CAMTA1: variants seen among roughly 807,000 people sequenced by gnomAD.
The protein encoded by CAMTA1 is calmodulin-binding transcription activator 1.
Under a neutral mutation model 170.9 loss-of-function variants are expected in CAMTA1, and 27 were observed. The observed-to-expected ratio is 0.16, with a 90% CI of 0.12 to 0.22. The LOEUF (loss-of-function observed/expected upper bound fraction) is 0.22, where lower values mean the gene tolerates loss of function less well. Among genes scored for constraint, CAMTA1 ranks in the 10% least tolerant of loss-of-function variants. The pLI is 1.00. For synonymous variants in CAMTA1, 833 were observed against 891.5 expected, an observed-to-expected ratio of 0.93 and a Z score of 1.17; for missense variants, 1,619 against 2,217.2, an observed-to-expected ratio of 0.73 and a Z score of 5.42.
chr1:7,027,400 G>A (rs1702166484), intron 3 of CAMTA1, among the ~76,000 whole-genome samples: 1 of 152,164 alleles, frequency 6.6e-6, no homozygotes, highest in South Asian at 2.1e-4. Context: ...CGAGACCTGG[G>A]GGAAGGGACA....
At chr1:7,606,420 T>C (rs975635348) in intron 6 of CAMTA1, among the ~76,000 whole-genome samples, 12 of 152,222 alleles carry the variant, frequency 7.9e-5, no homozygotes, top group Non-Finnish European at 1.6e-4. Context: ...TTTTATCTTT[T>C]CTTGAGGCTC....
Position 7,190,480 on chromosome 1 carries a change from A to G in CAMTA1, c.303-59011A>G, listed in dbSNP as rs148846656. On this transcript the variant is annotated intron_variant, in intron 4 of 22. Transcript: ENST00000303635. ...ATCATGATGTAACATAAATGTACAT[A>G]TAACTTTTTTAAACACACAGAAAGC... 2.8e-3 allele frequency among the ~76,000 whole-genome samples: 427 copies of G among 152,348 alleles called. 1 individual carries two copies. The highest frequency in any genetic ancestry group is 9.8e-3 in the African/African-American group (409 of 41,576).
chr1:7,617,127 C>T (rs930729394), intron 6 of CAMTA1, among the ~76,000 whole-genome samples: 1 of 152,174 alleles, frequency 6.6e-6, no homozygotes, highest in Non-Finnish European at 1.5e-5. Flanking sequence ...CAGGTTCGGC[C>T]ACGGGATGCC....
At chr1:7,089,423 G>A (rs146312189) in intron 3 of CAMTA1, among the ~76,000 whole-genome samples, 15 of 152,260 alleles carry the variant, frequency 9.9e-5, no homozygotes, top group African/African-American at 2.2e-4. Flanking sequence ...AGGAACTGCT[G>A]CATTTTGCTG....
chr1:6,965,600 A>T lies in CAMTA1; in HGVS notation c.235-125704A>T, dbSNP rs1012096958. On this transcript the variant is annotated intron_variant, in intron 3 of 22. Coordinates refer to ENST00000303635, the MANE Select transcript of CAMTA1 (RefSeq NM_015215.4). This position sits in a 1 kb window ranked among gnomAD's most constrained non-coding sequence, Gnocchi z 4.1. The stretch of plus-strand genomic sequence containing the variant: ...TGCCCTGGTTTCTCTAAAGGAAAAA[A>T]AATGGACGTGCCGCCTGTTAGCTAA... Among the ~76,000 whole-genome samples, 5 of 152,148 alleles carry T rather than the reference A, an allele frequency of 3.3e-5. No individual in the cohort carries two copies. The highest frequency in any genetic ancestry group is 4.4e-5 in the Non-Finnish European group (3 of 68,034).
At chr1:7,247,164 A>G (rs775833262) in intron 4 of CAMTA1, among the ~76,000 whole-genome samples, 3 of 152,236 alleles carry the variant, frequency 2.0e-5, no homozygotes, top group Non-Finnish European at 4.4e-5. Context: ...TAAAATGATG[A>G]TTCCATTTAT....
intron 3 of CAMTA1, among the ~76,000 whole-genome samples, chr1:6,900,507 G>A (rs1202950207): frequency 6.6e-6 from 1 of 151,708 alleles, no homozygotes; most frequent in East Asian, 1.9e-4. Flanking sequence ...CCAGAATTTA[G>A]CCTTTATTTG....
intron 3 of CAMTA1, among the ~76,000 whole-genome samples, chr1:6,903,776 G>A (rs1677653971): frequency 1.3e-5 from 2 of 152,216 alleles, no homozygotes; most frequent in African/African-American, 2.4e-5. Flanking sequence ...AGAAACTAAT[G>A]TAGCTGGAAT....
At chr1:7,277,758 C>A (rs944659692) in intron 5 of CAMTA1, among the ~76,000 whole-genome samples, 1 of 135,140 alleles carries the variant, frequency 7.4e-6, no homozygotes, top group East Asian at 2.3e-4. Flanking sequence ...TTTTCACATA[C>A]ACACACATAC....
chr1:7,670,503 T>G (rs1037041898), intron 9 of CAMTA1, among the ~76,000 whole-genome samples: 4 of 152,206 alleles, frequency 2.6e-5, no homozygotes. Flanking sequence ...TCCCTCAGTC[T>G]GTCCACAAGT....
At chr1:7,191,986 G>A (rs1463396504) in intron 4 of CAMTA1, among the ~76,000 whole-genome samples, 3 of 152,164 alleles carry the variant, frequency 2.0e-5, no homozygotes, top group African/African-American at 7.2e-5. Flanking sequence ...TCTGGGAAAT[G>A]GGCTGATGTT....
intron 5 of CAMTA1, among the ~76,000 whole-genome samples, chr1:7,257,895 A>G (rs1667652802): frequency 1.3e-5 from 2 of 152,174 alleles, no homozygotes; most frequent in African/African-American, 4.8e-5. Context: ...GACATGAGGA[A>G]GTGAGTTGGT....
At chr1:7,746,113 G>A (rs749169743) in intron 18 of CAMTA1, 22 bp downstream of exon 18, 12 of 1,606,464 alleles carry the variant, frequency 7.5e-6, no homozygotes, top group East Asian at 2.2e-5. Context: ...CAGAACCTTC[G>A]TTTTGTGACA....
At chr1:7,237,516 T>C (rs1664106975) in intron 4 of CAMTA1, among the ~76,000 whole-genome samples, 1 of 152,182 alleles carries the variant, frequency 6.6e-6, no homozygotes, top group Admixed American at 6.5e-5. Flanking sequence ...GATGCATTGA[T>C]TTCTAAAGCA....
Position 7,249,698 on chromosome 1 carries a change from G to A in CAMTA1, c.438+72G>A. On this transcript the variant is annotated intron_variant, in intron 5 of 22. Coordinates refer to ENST00000303635, the MANE Select transcript of CAMTA1 (RefSeq NM_015215.4). This position sits in a 1 kb window ranked among gnomAD's most constrained non-coding sequence, Gnocchi z 4.4. ...GCTGCAGTGGAGAATGGAATTGCTT[G>A]GAGTAATTTGATGCGAGTCACCTCT... 1 of 1,537,700 alleles carries A rather than the reference G, an allele frequency of 6.5e-7. No homozygotes were observed. Among genetic ancestry groups the A allele is most frequent in the Admixed American group, 1.9e-5 (1 of 51,864 alleles).
intron 7 of CAMTA1, among the ~76,000 whole-genome samples, chr1:7,646,905 C>G (rs1031015716): frequency 1.3e-5 from 2 of 152,208 alleles, no homozygotes; most frequent in African/African-American, 4.8e-5. Context: ...TCCTCACCTG[C>G]AGCCTGTTGG....
chr1:7,480,275 ATC>A (rs1466516393), intron 6 of CAMTA1, among the ~76,000 whole-genome samples: 3 of 142,824 alleles, frequency 2.1e-5, no homozygotes, highest in Non-Finnish European at 3.0e-5. Context: ...GTGTGAGTGC[ATC>A]TGTGTATGAG....
chr1:6,900,021 A>G (rs1051711916), intron 3 of CAMTA1, among the ~76,000 whole-genome samples: 3 of 152,236 alleles, frequency 2.0e-5, no homozygotes, highest in African/African-American at 7.2e-5. Context: ...GGTGGGAAAA[A>G]TGCTGTCAAC....
At chr1:7,449,437 A>G (rs1475482078) in intron 5 of CAMTA1, among the ~76,000 whole-genome samples, 2 of 151,942 alleles carry the variant, frequency 1.3e-5, no homozygotes, top group African/African-American at 4.8e-5. Flanking sequence ...GAGCCCTCTG[A>G]CCTCGTCTTT....
Sources: allele counts gnomAD v4.1 joint callset (sites outside exome capture counted in the v4.1 genomes callset), GRCh38; gene constraint gnomAD v4.1.1; non-coding constraint Gnocchi (gnomAD v3.1); transcripts MANE v1.5; gene names NCBI Gene and HGNC (gene_info 2026-07-23, HGNC 2026-07-21).